Variants in EFHD1 observed in about 807,000 individuals in gnomAD.
EFHD1 encodes the protein EF-hand domain family member D1.
In EFHD1, 10 loss-of-function variants were observed where a neutral mutation model predicts 17.2. The observed-to-expected ratio is 0.58, with a 90% CI of 0.36 to 0.99. The LOEUF (loss-of-function observed/expected upper bound fraction) is 0.99, where lower values mean the gene tolerates loss of function less well. EFHD1 is among the 50% of genes least tolerant of loss of function. The pLI, the probability that EFHD1 is intolerant of heterozygous loss-of-function variation, is 0.01. For synonymous variants in EFHD1, 153 were observed against 142.0 expected, an observed-to-expected ratio of 1.08 and a Z score of -0.55; for missense variants, 310 against 327.5, an observed-to-expected ratio of 0.95 and a Z score of 0.41.
chr2:232,630,012 C>T (rs964602732), upstream of EFHD1, among the ~76,000 whole-genome samples: 11 of 152,010 alleles, frequency 7.2e-5, no homozygotes, highest in African/African-American at 2.7e-4. Flanking sequence ...TGCAATGGCT[C>T]GATCTTGGCT....
chr2:232,616,016 A>G lies in EFHD1; in HGVS notation c.14+9843A>G, dbSNP rs145105719. ...AAATACATTTTTATTGAGGCGCAAC[A>G]TTGTTCCAGCCGTTTGTTGTGGTAT... On this transcript the variant is annotated intron_variant, in intron 1 of 3. Coordinates refer to the EFHD1 transcript ENST00000409613. Among the ~76,000 whole-genome samples, 614 of 152,118 alleles carry G rather than the reference A, an allele frequency of 4.0e-3. 6 individuals are homozygous for G. The highest frequency in any genetic ancestry group is 0.014 in the African/African-American group (574 of 41,516).
intron 1 of EFHD1, among the ~76,000 whole-genome samples, chr2:232,644,794 A>ATTTTT (rs746133158): frequency 1.6e-5 from 2 of 123,818 alleles, no homozygotes; most frequent in Admixed American, 1.6e-4. Flanking sequence ...ACCTGGCCTA[A>ATTTTT]TTTTTTTTTT....
intron 1 of EFHD1, among the ~76,000 whole-genome samples, chr2:232,654,225 AAAG>A (rs1694712548): frequency 6.9e-6 from 1 of 145,810 alleles, no homozygotes; most frequent in African/African-American, 2.4e-5. Context: ...AAAAAAAAGA[AAAG>A]AAAGAAGTTG....
Position 232,628,249 on chromosome 2 carries a change from C to T in EFHD1, c.14+22076C>T, listed in dbSNP as rs141028504. On this transcript the variant is annotated intron_variant, in intron 1 of 3. Transcript: ENST00000409613. ...CTAATTTTTGTATGTTTAGTAGAGA[C>T]GGGGTTTCACCGTGTTGGCCAGGCT... 2.9e-3 allele frequency among the ~76,000 whole-genome samples: 444 copies of T among 152,086 alleles called. 2 individuals carry two copies. Among genetic ancestry groups the T allele is most frequent in the Middle Eastern group, 0.02 (6 of 294 alleles).
intron 1 of EFHD1, among the ~76,000 whole-genome samples, chr2:232,649,594 C>G (rs972811097): frequency 6.6e-6 from 1 of 152,100 alleles, no homozygotes; most frequent in South Asian, 2.1e-4. Flanking sequence ...TCCTCATGAC[C>G]GCAGACAAGT....
chr2:232,641,889 C>G (rs1694438680), intron 1 of EFHD1, among the ~76,000 whole-genome samples: 1 of 152,156 alleles, frequency 6.6e-6, no homozygotes, highest in Non-Finnish European at 1.5e-5. Context: ...GTTCCAGGAC[C>G]CCAGAGTTGC....
chr2:232,617,947 T>TAA (rs144804383), intron 1 of EFHD1, among the ~76,000 whole-genome samples: 1 of 145,860 alleles, frequency 6.9e-6, no homozygotes, highest in Non-Finnish European at 1.5e-5. Context: ...AGACTCAGTC[T>TAA]AAAAAAAAAA....
chr2:232,630,245 C>T (rs1317291564), upstream of EFHD1, among the ~76,000 whole-genome samples: 9 of 152,194 alleles, frequency 5.9e-5, no homozygotes, highest in South Asian at 2.1e-4. Context: ...CCACCACAGC[C>T]GGCCCAGCAA....
rs553284616 is a variant in EFHD1 at position 232,657,355 on chromosome 2, A to G, written c.303-5447A>G. Among the ~76,000 whole-genome samples the G allele has an allele frequency of 1.6e-4, 25 of 152,282 alleles. No homozygotes were observed. The East Asian group carries it at 4.6e-3, about 28-fold the overall frequency. On this transcript the variant is annotated intron_variant, in intron 1 of 3. Coordinates refer to ENST00000264059, the MANE Select transcript of EFHD1 (RefSeq NM_025202.4). ...GCGACTGGCTTATTTCACTTGGCAC[A>G]ATGTCTTCAAGGTTCACCCATGTTG... is the stretch of plus-strand genomic sequence containing the variant.
chr2:232,631,420 G>T (rs1272155977), upstream of EFHD1, among the ~76,000 whole-genome samples: 2 of 151,650 alleles, frequency 1.3e-5, no homozygotes, highest in Non-Finnish European at 2.9e-5. Flanking sequence ...AAATAGCTGG[G>T]ACTACAGGTG....
chr2:232,636,316 T>C (rs909766067), intron 1 of EFHD1, among the ~76,000 whole-genome samples: 3 of 152,318 alleles, frequency 2.0e-5, no homozygotes, highest in Admixed American at 6.5e-5. Context: ...ACTTGCTCCC[T>C]GGAAGGTTCC....
intron 1 of EFHD1, among the ~76,000 whole-genome samples, chr2:232,659,021 G>A (rs1286250007): frequency 1.3e-5 from 2 of 151,812 alleles, no homozygotes; most frequent in Admixed American, 6.6e-5. Flanking sequence ...CTCACAAACC[G>A]TCCTCTGGCA....
intron 1 of EFHD1, among the ~76,000 whole-genome samples, chr2:232,606,914 T>TAA (rs140902817): frequency 6.1e-5 from 9 of 147,938 alleles, no homozygotes; most frequent in Non-Finnish European, 1.3e-4. Flanking sequence ...AAATAAAAAT[T>TAA]AAAAAAAAAT....
chr2:232,618,231 G>C (rs1693961347), intron 1 of EFHD1, among the ~76,000 whole-genome samples: 2 of 151,734 alleles, frequency 1.3e-5, no homozygotes. Context: ...TTTTGGCCAG[G>C]CTGGTCTGGA....
chr2:232,629,327 A>C, upstream of EFHD1, among the ~76,000 whole-genome samples: 1 of 152,250 alleles, frequency 6.6e-6, no homozygotes, highest in Non-Finnish European at 1.5e-5. Flanking sequence ...AAATGAGCTC[A>C]TGGGATGACA....
At chr2:232,633,397 G>C, upstream of EFHD1, 1 of 1,142,434 alleles carries the variant, frequency 8.8e-7, no homozygotes, top group Non-Finnish European at 1.1e-6. Flanking sequence ...CCGGGGGGAC[G>C]GTCAGCCTCC....
At chr2:232,658,280 C>T (rs1358964578) in intron 1 of EFHD1, among the ~76,000 whole-genome samples, 1 of 152,152 alleles carries the variant, frequency 6.6e-6, no homozygotes, top group Non-Finnish European at 1.5e-5. Flanking sequence ...GGCCTAGATT[C>T]TGCCCCAACT....
intron 1 of EFHD1, among the ~76,000 whole-genome samples, chr2:232,623,911 G>A (rs896249867): frequency 2.0e-5 from 3 of 152,070 alleles, no homozygotes; most frequent in African/African-American, 7.2e-5. Flanking sequence ...GGGGAAGAGA[G>A]AGCAGAATCG....
chr2:232,613,635 T>C (rs62191598), intron 1 of EFHD1, among the ~76,000 whole-genome samples: 42,368 of 93,838 alleles, frequency 0.45, 6,791 homozygotes, highest in East Asian at 0.68. Flanking sequence ...CACACACATA[T>C]ACACACACAT....
Sources: gnomAD v4.1 joint callset for allele counts (sites outside exome capture counted in the v4.1 genomes callset) on GRCh38, gnomAD v4.1.1 for gene constraint, MANE v1.5 for transcripts, NCBI Gene and HGNC (gene_info 2026-07-23, HGNC 2026-07-21) for gene names.